The following STAG3 variants were observed in gnomAD, a reference collection of about 807,000 sequenced individuals.
STAG3 encodes cohesin subunit SA-3.
STAG3 carries 101 observed loss-of-function variants against 160.7 expected under a neutral mutation model. The observed-to-expected ratio is 0.63, with a 90% CI of 0.54 to 0.74. The LOEUF (loss-of-function observed/expected upper bound fraction) is 0.74, where lower values mean the gene tolerates loss of function less well. Ranked by LOEUF, STAG3 falls within the 30% of genes least tolerant of loss-of-function variation. The pLI is 0.00. For synonymous variants in STAG3, 519 were observed against 585.0 expected (o/e 0.89, Z 1.63); for missense variants, 1,188 against 1,517.4 (o/e 0.78, Z 3.61).
chr7:100,181,997 G>A, intron 2 of STAG3, 93 bp from the exon 3 acceptor site: 2 of 796,100 alleles, frequency 2.5e-6, no homozygotes, highest in South Asian at 3.5e-5. Context: ...TGGAGATGGG[G>A]TGCGGTGAGA....
intron 8 of STAG3, among the ~76,000 whole-genome samples, chr7:100,194,995 C>A (rs1169361050): frequency 6.6e-6 from 1 of 152,036 alleles, no homozygotes; most frequent in Non-Finnish European, 1.5e-5. Context: ...AAAAAAAATC[C>A]ACAATGTCTG....
intron 25 of STAG3, among the ~76,000 whole-genome samples, chr7:100,202,834 C>T (rs1801263627): frequency 6.6e-6 from 1 of 152,086 alleles, no homozygotes; most frequent in African/African-American, 2.4e-5. Flanking sequence ...TCTTCCTGTC[C>T]AGAAATATTT....
In STAG3 at chr7:100,211,482, A is replaced by G. The variant is rs780413788; in HGVS notation, c.3461A>G (p.Gln1154Arg). Residue 1154 changes from glutamine to arginine, a missense_variant, in exon 31 of 34, where the codon CAA becomes CGA. Coordinates refer to ENST00000615138, the MANE Select transcript of STAG3 (RefSeq NM_001282717.2). ...GTERSRFLGP[Q>R]YFQTPHNPSG... ...GAGAGGTCAAGGTTCTTGGGTCCAC[A>G]ATATTTCCAGACTCCACACAACCCT... The G allele has an allele frequency of 4.3e-6, 7 of 1,613,304 alleles. No individual in the cohort carries two copies. In the South Asian group the frequency reaches 4.4e-5, roughly 10 times the overall value.
In STAG3 at chr7:100,211,188, G is replaced by T; in HGVS notation, c.3413+3G>T. The T allele has an allele frequency of 6.4e-7, 1 of 1,556,548 alleles. No homozygotes were observed. Among genetic ancestry groups the T allele is most frequent in the Middle Eastern group, 1.7e-4 (1 of 5,766 alleles). On this transcript the variant is annotated splice_donor_region_variant and intron_variant, in intron 30 of 33. Coordinates refer to ENST00000615138, the MANE Select transcript of STAG3 (RefSeq NM_001282717.2). The stretch of plus-strand genomic sequence containing the variant: ...TCAGAGTTGGATTTTGCCCAGGGGT[G>T]AGGCCATGGAGGGAATCTGGGTGTC...
At position 100,204,701 on chromosome 7, in the gene STAG3, C is replaced by T; in HGVS notation, c.2877C>T (p.Asp959=). The change falls in exon 27 of 34, where the codon GAC becomes GAT. Residue 959 remains aspartate (D), a synonymous_variant. Transcript: ENST00000615138. ...TTCCTGCCTTCATCGAGATGAGGGACCTGGCCCGGAGGTTTGCCTTGAGTT... is the reference window on the plus strand; with the variant it reads ...TTCCTGCCTTCATCGAGATGAGGGATCTGGCCCGGAGGTTTGCCTTGAGTT... ...NELPAFIEMR[D]LARRFALSFG... 1 of 1,614,138 alleles carries T rather than the reference C, an allele frequency of 6.2e-7. No homozygotes were observed. The highest frequency in any genetic ancestry group is 8.5e-7 in the Non-Finnish European group (1 of 1,180,026).
rs539846896 is a variant in STAG3, at chr7:100,181,860, G to A, written c.117-230G>A. Among the ~76,000 whole-genome samples the A allele has an allele frequency of 7.8e-5, 11 of 141,138 alleles. No homozygotes were observed. The South Asian group carries it at 9.3e-4, about 12-fold the overall frequency. 92.6% of individuals were successfully genotyped at this position (141,138 alleles called of 152,430 possible). On this transcript the variant is annotated intron_variant, in intron 2 of 33. Coordinates refer to ENST00000615138, the MANE Select transcript of STAG3 (RefSeq NM_001282717.2). ...AGGTTGCAGTGAGCTGAGATCATGCGATTGCACTCCAGCCTGGGTGACAAG... is the reference window on the plus strand; with the variant it reads ...AGGTTGCAGTGAGCTGAGATCATGCAATTGCACTCCAGCCTGGGTGACAAG...
At chr7:100,206,662 G>A (rs539037945) in intron 29 of STAG3, among the ~76,000 whole-genome samples, 114 of 152,008 alleles carry the variant, frequency 7.5e-4, no homozygotes, top group African/African-American at 2.5e-3. Flanking sequence ...AGTAGAGACA[G>A]GGTTTCACCA....
downstream of STAG3, among the ~76,000 whole-genome samples, chr7:100,216,336 C>A (rs1342164686): frequency 2.9e-5 from 4 of 137,408 alleles, no homozygotes; most frequent in South Asian, 2.5e-4. Context: ...TATACTAATT[C>A]TTCTATATTA....
intron 8 of STAG3, 72 bp downstream of exon 8, chr7:100,189,668 T>A (rs575599820): frequency 1.3e-6 from 2 of 1,536,726 alleles, no homozygotes; most frequent in East Asian, 4.5e-5. Context: ...GACCCCCTTA[T>A]CAGGCCCTGG....
chr7:100,197,954 T>C (rs1346650539), intron 11 of STAG3, 78 bp downstream of exon 11: 37 of 1,503,918 alleles, frequency 2.5e-5, no homozygotes, highest in East Asian at 2.3e-5. Context: ...CTACCCCTCA[T>C]GCTCTAAGAT....
chr7:100,200,855 C>T lies in STAG3; in HGVS notation c.1947C>T (p.Leu649=), dbSNP rs145492341. Residue 649 remains leucine (L), a synonymous_variant, in exon 19 of 34, where the codon CTC becomes CTT. Coordinates refer to ENST00000615138, the MANE Select transcript of STAG3 (RefSeq NM_001282717.2). ...TGCTTGAGGCTGGGGCGCATGCCCTCTACCTGCTCTGTAATCCCGAATTCA... is the reference window on the plus strand; with the variant it reads ...TGCTTGAGGCTGGGGCGCATGCCCTTTACCTGCTCTGTAATCCCGAATTCA... ...PAVLEAGAHA[L]YLLCNPEFTF... 2.8e-5 allele frequency: 46 copies of T among 1,614,208 alleles called. No individual in the cohort carries two copies. In the African/African-American group the frequency reaches 5.6e-4, roughly 20 times the overall value.
At position 100,180,550 on chromosome 7, in the gene STAG3, T is replaced by G; in HGVS notation, c.-7T>G. 2 of 1,575,716 alleles carry G rather than the reference T, an allele frequency of 1.3e-6. No individual in the cohort carries two copies. The highest frequency in any genetic ancestry group is 1.7e-6 in the Non-Finnish European group (2 of 1,144,700). On this transcript the variant is annotated 5_prime_UTR_variant, in exon 2 of 34. Coordinates refer to ENST00000615138, the MANE Select transcript of STAG3 (RefSeq NM_001282717.2). The stretch of plus-strand genomic sequence containing the variant: ...CTTCCTGGCCTCATAGCTCCTCCTC[T>G]CCAAGCATGTCTTCCCCGTTGCAAA...
chr7:100,205,364 C>A lies in STAG3; in HGVS notation c.3218C>A (p.Ser1073Tyr). Reference protein sequence around the residue: ...AETSPQVLPSSKRRRVEGPAK... With the variant: ...AETSPQVLPSYKRRRVEGPAK... The stretch of plus-strand genomic sequence containing the variant: ...ACCAGCCCTCAGGTCCTCCCCAGCT[C>A]CAAGAGGAGGCGCGTTGAAGGTAGG... Residue 1073 changes from serine to tyrosine, a missense_variant, in exon 29 of 34, where the codon TCC becomes TAC. This residue lies in a region of STAG3 where 647 missense variants were observed against 717.2 expected (regional missense o/e 0.90). Coordinates refer to ENST00000615138, the MANE Select transcript of STAG3 (RefSeq NM_001282717.2). 2 of 1,613,572 alleles carry A rather than the reference C, an allele frequency of 1.2e-6. No homozygotes were observed. Among genetic ancestry groups the A allele is most frequent in the South Asian group, 2.2e-5 (2 of 91,034 alleles).
At position 100,204,012 on chromosome 7, in the gene STAG3, T is replaced by G. The variant is rs779964582; in HGVS notation, c.2701-9T>G. The G allele has an allele frequency of 1.3e-6, 2 of 1,594,778 alleles. No homozygotes were observed. The highest frequency in any genetic ancestry group is 1.7e-6 in the Non-Finnish European group (2 of 1,162,590). On this transcript the variant is annotated splice_polypyrimidine_tract_variant and intron_variant, in intron 25 of 33. Transcript: ENST00000615138. ...GTCAGACATTACCTTCCCCACTCTT[T>G]CCCCTCAGTTCTACAATGACTATGG... is the stretch of plus-strand genomic sequence containing the variant.
chr7:100,193,939 C>CTTTTTTTTT lies in STAG3; in HGVS notation c.868-1358_868-1350dup, dbSNP rs57044186. Among the ~76,000 whole-genome samples, 11 of 121,982 alleles carry CTTTTTTTTT rather than the reference C, an allele frequency of 9.0e-5. 1 individual carries two copies. The highest frequency in any genetic ancestry group is 4.9e-4 in the East Asian group (2 of 4,102). 80.0% of individuals were successfully genotyped at this position (121,982 alleles called of 152,430 possible). On this transcript the variant is annotated intron_variant, in intron 8 of 33. Transcript: ENST00000615138. ...GGTTTTCAACTAAGCTTAATCATTT[C>CTTTTTTTTT]TTTTTTTTTTTTTTTTTTTTCTTTT...
At chr7:100,199,440 C>G (rs1260269070) in intron 15 of STAG3, 73 bp downstream of exon 15, 8 of 1,560,052 alleles carry the variant, frequency 5.1e-6, no homozygotes, top group African/African-American at 4.1e-5. Flanking sequence ...TTGCTTGCTT[C>G]ACTTGTACAA....
intron 33 of STAG3, 43 bp downstream of exon 33, chr7:100,213,849 C>T: frequency 1.2e-6 from 2 of 1,614,118 alleles, no homozygotes; most frequent in Non-Finnish European, 1.7e-6. Context: ...TTCGGAAATG[C>T]TGGCAGGCAA....
rs1464760370 is a variant in STAG3 at position 100,199,563 on chromosome 7, C to T, written c.1596C>T (p.Ser532=). ...CAGACCTGGGTGATGTGCAGGAGAG[C>T]ACACTGATAGAAATCCTTGTGTCCA... ...KDQNLGDVQE[S]TLIEILVSSA... is the part of the protein sequence containing the mutation. Residue 532 remains serine, a synonymous_variant, in exon 16 of 34, where the codon AGC becomes AGT. Coordinates refer to ENST00000615138, the MANE Select transcript of STAG3 (RefSeq NM_001282717.2). 6.2e-7 allele frequency: 1 copy of T among 1,604,838 alleles called. No homozygotes were observed. Among genetic ancestry groups the T allele is most frequent in the Non-Finnish European group, 8.5e-7 (1 of 1,175,844 alleles).
intron 4 of STAG3, among the ~76,000 whole-genome samples, chr7:100,185,815 A>G (rs987032356): frequency 6.6e-6 from 1 of 152,160 alleles, no homozygotes; most frequent in African/African-American, 2.4e-5. Context: ...TTAGTGTTCA[A>G]TCTGACTTCC....
Sources: allele counts gnomAD v4.1 joint callset (sites outside exome capture counted in the v4.1 genomes callset), GRCh38; gene constraint gnomAD v4.1.1; regional missense constraint gnomAD v4.1.1; transcripts MANE v1.5; gene names NCBI Gene and HGNC (gene_info 2026-07-23, HGNC 2026-07-21).